DCX: variants seen among roughly 807,000 people sequenced by gnomAD.
The protein encoded by DCX is neuronal migration protein doublecortin.
In DCX, 4 loss-of-function variants were observed where a neutral mutation model predicts 20.9. The ratio of observed to expected loss-of-function variants is 0.19; its 90% CI spans 0.09 to 0.44. DCX has a LOEUF of 0.44. Ranked by LOEUF, DCX falls within the 20% of genes least tolerant of loss-of-function variation. DCX has a pLI of 0.99. For synonymous variants in DCX, 103 were observed against 111.4 expected (o/e 0.92, Z 0.47); for missense variants, 133 against 296.9 (o/e 0.45, Z 4.06).
intron 3 of DCX, among the ~76,000 whole-genome samples, chrX:111,333,464 A>T (rs1452338257): frequency 9.0e-6 from 1 of 110,891 alleles, no homozygotes; most frequent in Non-Finnish European, 1.9e-5. Flanking sequence ...GGCCCTATAA[A>T]TGTCACCTTT....
intron 3 of DCX, among the ~76,000 whole-genome samples, chrX:111,377,633 G>A (rs1275052445): frequency 9.0e-6 from 1 of 111,680 alleles, no homozygotes; most frequent in Non-Finnish European, 1.9e-5. Flanking sequence ...AAATGAGAGG[G>A]TTGAAGGAGG....
intron 3 of DCX, among the ~76,000 whole-genome samples, chrX:111,395,132 A>G (rs1316903889): frequency 1.8e-5 from 2 of 111,772 alleles, no homozygotes; most frequent in African/African-American, 3.2e-5. Flanking sequence ...AACCAACACT[A>G]TGAGGTGGAT....
At chrX:111,317,396 C>T (rs1362200897) in intron 5 of DCX, among the ~76,000 whole-genome samples, 1 of 111,136 alleles carries the variant, frequency 9.0e-6, no homozygotes, top group Non-Finnish European at 1.9e-5. Context: ...GATCTCGGCC[C>T]TTTCCTTACA....
chrX:111,342,795 A>G (rs181892029), intron 3 of DCX, among the ~76,000 whole-genome samples: 1 of 111,245 alleles, frequency 9.0e-6, no homozygotes, highest in African/African-American at 3.3e-5. Flanking sequence ...TGGAAATTGA[A>G]CAAACTGCTC....
intron 3 of DCX, among the ~76,000 whole-genome samples, chrX:111,334,181 A>C (rs1390905275): frequency 1.8e-5 from 2 of 112,064 alleles, no homozygotes; most frequent in Non-Finnish European, 3.8e-5. Context: ...TATTAATAAC[A>C]TCACCCCCAC....
intron 1 of DCX, chrX:111,411,017 T>C (rs1928670589): frequency 9.2e-7 from 1 of 1,086,165 alleles, no homozygotes. Context: ...GTGCATCCCC[T>C]CCCCCCAGAA....
At chrX:111,329,366 C>T (rs187662994) in intron 5 of DCX, among the ~76,000 whole-genome samples, 13 of 111,694 alleles carry the variant, frequency 1.2e-4, no homozygotes, top group African/African-American at 4.2e-4. Flanking sequence ...TATTTATTCA[C>T]AAATATTACT....
intron 3 of DCX, among the ~76,000 whole-genome samples, chrX:111,362,281 A>T (rs750079801): frequency 1.8e-5 from 2 of 111,502 alleles, no homozygotes; most frequent in Non-Finnish European, 3.8e-5. Flanking sequence ...TTCCATTTTC[A>T]GCATCTTTGC....
rs140716306 is a variant in DCX, at chrX:111,354,872, T to G, written c.706-21719A>C. On this transcript the variant is annotated intron_variant, in intron 3 of 6. Coordinates refer to ENST00000636035, the MANE Select transcript of DCX (RefSeq NM_001195553.2). ...AAAGGCCCCCTTCTCACTGTACCTC[T>G]TACTGAAATAGGTAGTAGGATTCAC... is the stretch of plus-strand genomic sequence containing the variant. Among the ~76,000 whole-genome samples, 1,041 of 112,604 alleles carry G rather than the reference T, an allele frequency of 9.2e-3. 7 individuals carry two copies. The highest frequency in any genetic ancestry group is 0.023 in the Middle Eastern group (5 of 218).
At chrX:111,307,482 T>C (rs189992376) in intron 6 of DCX, among the ~76,000 whole-genome samples, 2 of 111,271 alleles carry the variant, frequency 1.8e-5, no homozygotes, top group African/African-American at 6.5e-5. Flanking sequence ...GAAACAACAC[T>C]GTAATATAAA....
intron 3 of DCX, among the ~76,000 whole-genome samples, chrX:111,343,051 A>G (rs2147656680): frequency 9.1e-6 from 1 of 110,180 alleles, no homozygotes; most frequent in African/African-American, 3.3e-5. Context: ...GCAGAAGACA[A>G]GAAATAACTA....
At chrX:111,321,940 C>T (rs1351562961) in intron 5 of DCX, among the ~76,000 whole-genome samples, 1 of 112,184 alleles carries the variant, frequency 8.9e-6, no homozygotes, top group African/African-American at 3.2e-5. Flanking sequence ...CAAGTTAATG[C>T]TCATTCACTT....
chrX:111,356,271 G>A (rs1228437077), intron 3 of DCX, among the ~76,000 whole-genome samples: 2 of 112,080 alleles, frequency 1.8e-5, no homozygotes, highest in African/African-American at 6.5e-5. Context: ...GCATGGCCTG[G>A]GTTAGGACTG....
chrX:111,334,796 G>A (rs1373345406), intron 3 of DCX, among the ~76,000 whole-genome samples: 3 of 112,072 alleles, frequency 2.7e-5, no homozygotes, highest in Admixed American at 9.4e-5. Flanking sequence ...GATGAGGTGA[G>A]ATACATCGAA....
At chrX:111,363,379 T>A (rs182359052) in intron 3 of DCX, among the ~76,000 whole-genome samples, 168 of 109,974 alleles carry the variant, frequency 1.5e-3, no homozygotes, top group African/African-American at 5.3e-3. Flanking sequence ...TAAAGTGTTT[T>A]AAATCTGTAG....
intron 4 of DCX, among the ~76,000 whole-genome samples, chrX:111,331,643 G>C (rs1921255980): frequency 8.9e-6 from 1 of 112,158 alleles, no homozygotes; most frequent in Non-Finnish European, 1.9e-5. Flanking sequence ...TGGGCCAGCA[G>C]TGACTCTGCC....
chrX:111,328,546 T>G (rs1569488451), intron 5 of DCX, among the ~76,000 whole-genome samples: 1 of 111,851 alleles, frequency 8.9e-6, no homozygotes, highest in East Asian at 2.8e-4. Flanking sequence ...AATTTCTAAC[T>G]GATGGGTTAT....
intron 3 of DCX, among the ~76,000 whole-genome samples, chrX:111,365,460 T>C (rs1924549477): frequency 9.0e-6 from 1 of 110,578 alleles, no homozygotes; most frequent in African/African-American, 3.3e-5. Context: ...GTATCCGTCC[T>C]CTCAAGCATT....
At chrX:111,334,322 G>A (rs891633655) in intron 3 of DCX, among the ~76,000 whole-genome samples, 1 of 111,837 alleles carries the variant, frequency 8.9e-6, no homozygotes. Flanking sequence ...AGAAGAGAAG[G>A]TGACTTGAAG....
Sources: allele counts gnomAD v4.1 joint callset (sites outside exome capture counted in the v4.1 genomes callset), GRCh38; gene constraint gnomAD v4.1.1; transcripts MANE v1.5; gene names NCBI Gene and HGNC (gene_info 2026-07-23, HGNC 2026-07-21).